The following THADA variants were observed in gnomAD, a reference collection of about 807,000 sequenced individuals.
THADA encodes THADA armadillo repeat containing, also known as tRNA (32-2'-O)-methyltransferase regulator THADA.
In THADA, 213 loss-of-function variants were observed where a neutral mutation model predicts 219.8. That is an observed-to-expected ratio of 0.97 (90% confidence interval 0.87 to 1.09). THADA has a LOEUF of 1.09. Ranked by LOEUF, THADA falls within the 50% of genes least tolerant of loss-of-function variation. The pLI, the probability that THADA is intolerant of heterozygous loss-of-function variation, is 0.00. For missense variants in THADA, 2,956 were observed against 2,311.3 expected, an observed-to-expected ratio of 1.28 and a Z score of -5.72; for synonymous variants, 1,018 against 828.9, an observed-to-expected ratio of 1.23 and a Z score of -3.92.
chr2:43,452,819 A>G (rs1682508410), intron 26 of THADA, among the ~76,000 whole-genome samples: 1 of 152,208 alleles, frequency 6.6e-6, no homozygotes, highest in South Asian at 2.1e-4. Flanking sequence ...AGATCACTGG[A>G]CCACAGATAA....
intron 26 of THADA, among the ~76,000 whole-genome samples, chr2:43,476,282 G>A (rs373796195): frequency 6.6e-6 from 1 of 152,174 alleles, no homozygotes; most frequent in East Asian, 1.9e-4. Flanking sequence ...CAAGGCCACT[G>A]GGTATTGTGC....
intron 24 of THADA, among the ~76,000 whole-genome samples, chr2:43,501,882 T>A (rs1449405232): frequency 6.6e-6 from 1 of 151,538 alleles, no homozygotes; most frequent in Non-Finnish European, 1.5e-5. Flanking sequence ...TGGTGAAGGT[T>A]GCAGTGAGCC....
At chr2:43,446,097 T>G (rs1197360922) in intron 26 of THADA, among the ~76,000 whole-genome samples, 2 of 152,228 alleles carry the variant, frequency 1.3e-5, no homozygotes, top group Non-Finnish European at 2.9e-5. Context: ...AAGGTCCCAT[T>G]TGGGCAGCTT....
intron 31 of THADA, among the ~76,000 whole-genome samples, chr2:43,319,419 G>C (rs1678435671): frequency 6.6e-6 from 1 of 152,180 alleles, no homozygotes. Context: ...GACTTGATGA[G>C]AGTCTAGCAC....
At chr2:43,520,978 A>G (rs1201387405) in intron 22 of THADA, among the ~76,000 whole-genome samples, 3 of 84,098 alleles carry the variant, frequency 3.6e-5, no homozygotes, top group African/African-American at 1.6e-4. Context: ...GAAGGGAGGG[A>G]GGAAGGGAGG....
rs572379924 is a variant in THADA, at chr2:43,577,080, G to A, written c.979C>T (p.Arg327Trp). 2.6e-5 allele frequency: 42 copies of A among 1,613,446 alleles called. 1 individual carries two copies. The highest frequency in any genetic ancestry group is 1.8e-4 in the East Asian group (8 of 44,874). ...MLDWQNGSMG[R>W]SGEALLLDTA... is the part of the protein sequence containing the mutation. Reference sequence around the variant, plus strand: ...TCCAAGAGCAGGGCCTCCCCACTCCGACCCATGCTTCCGTTCTGCCAGTCC... The same window carrying A: ...TCCAAGAGCAGGGCCTCCCCACTCCAACCCATGCTTCCGTTCTGCCAGTCC... The change falls in exon 10 of 38, where the codon CGG becomes TGG. Residue 327 changes from arginine (R) to tryptophan (W), a missense_variant. Coordinates refer to ENST00000405975, the MANE Select transcript of THADA (RefSeq NM_022065.5).
chr2:43,514,490 T>C (rs1243714849), intron 22 of THADA, among the ~76,000 whole-genome samples: 1 of 139,236 alleles, frequency 7.2e-6, no homozygotes, highest in Non-Finnish European at 1.5e-5. Flanking sequence ...ATAATATACA[T>C]AATATATACG....
intron 28 of THADA, among the ~76,000 whole-genome samples, chr2:43,403,750 C>T (rs532191863): frequency 9.2e-5 from 14 of 152,132 alleles, no homozygotes; most frequent in Non-Finnish European, 1.9e-4. Flanking sequence ...CTAGATGCCC[C>T]TACTTAACCA....
intron 36 of THADA, among the ~76,000 whole-genome samples, chr2:43,272,623 CT>C (rs397871468): frequency 1.9e-3 from 234 of 120,256 alleles, no homozygotes; most frequent in Non-Finnish European, 2.5e-3. Flanking sequence ...TGGTTTTGTG[CT>C]TTTTTTTTTT....
chr2:43,415,151 A>C (rs2104771436), intron 28 of THADA, among the ~76,000 whole-genome samples: 1 of 152,338 alleles, frequency 6.6e-6, no homozygotes, highest in East Asian at 1.9e-4. Flanking sequence ...GGCATAAATG[A>C]CTACTAATAA....
chr2:43,405,876 A>T (rs1675469629), intron 28 of THADA, among the ~76,000 whole-genome samples: 2 of 152,242 alleles, frequency 1.3e-5, no homozygotes, highest in Admixed American at 6.5e-5. Context: ...CTTAAAAAAA[A>T]TTATGAAGAA....
intron 36 of THADA, among the ~76,000 whole-genome samples, chr2:43,248,374 C>T (rs1379031327): frequency 4.0e-5 from 6 of 151,670 alleles, no homozygotes; most frequent in East Asian, 2.0e-4. Context: ...GGATTACAGG[C>T]GTGCACCACC....
At position 43,530,652 on chromosome 2, in the gene THADA, C is replaced by T. The variant is rs576042500; in HGVS notation, c.3265-2664G>A. On this transcript the variant is annotated intron_variant, in intron 21 of 37. Coordinates refer to ENST00000405975, the MANE Select transcript of THADA (RefSeq NM_022065.5). ...GATATTAAAACATACTTCAGGAAAA[C>T]ATAAACTTTGTCATTACTGACAAAG... Among the ~76,000 whole-genome samples the T allele has an allele frequency of 2.6e-5, 4 of 152,280 alleles. No homozygotes were observed. The South Asian group carries it at 8.3e-4, about 32-fold the overall frequency.
At position 43,231,252 on chromosome 2, in the gene THADA, C is replaced by T. The variant is rs368209318; in HGVS notation, c.5558G>A (p.Cys1853Tyr). Residue 1853 changes from cysteine (C) to tyrosine (Y), a missense_variant, in exon 38 of 38, where the codon TGT (cysteine) becomes TAT (tyrosine). By Grantham distance (194) the Cys-to-Tyr change is radical. Coordinates refer to ENST00000405975, the MANE Select transcript of THADA (RefSeq NM_022065.5). Reference protein sequence around the residue: ...FVKYLCKHLFCLLSKSGWRPP... With the variant: ...FVKYLCKHLFYLLSKSGWRPP... ...ACGCCAGCCGGACTTTGAGAGGAGA[C>T]AGAAGAGGTGCTTGCAGAGGTATTT... 13 of 1,612,894 alleles carry T rather than the reference C, an allele frequency of 8.1e-6. No homozygotes were observed. Among genetic ancestry groups the T allele is most frequent in the Non-Finnish European group, 1.1e-5 (13 of 1,179,564 alleles).
At chr2:43,445,893 G>T (rs768265872) in intron 26 of THADA, among the ~76,000 whole-genome samples, 1 of 152,144 alleles carries the variant, frequency 6.6e-6, no homozygotes, top group Non-Finnish European at 1.5e-5. Flanking sequence ...TCAAGGTGGA[G>T]AATTCCCAAA....
chr2:43,361,665 T>C (rs1669542920), intron 29 of THADA, among the ~76,000 whole-genome samples: 1 of 152,260 alleles, frequency 6.6e-6, no homozygotes, highest in Non-Finnish European at 1.5e-5. Context: ...TCTGTGGTGA[T>C]TGTCCCAGAA....
intron 22 of THADA, among the ~76,000 whole-genome samples, chr2:43,515,061 T>A (rs1158993182): frequency 1.9e-5 from 1 of 51,716 alleles, no homozygotes; most frequent in East Asian, 9.6e-4. Flanking sequence ...TTATATATAA[T>A]ATATTTTATA....
In THADA at chr2:43,308,751, C is replaced by A. The variant is rs116667669; in HGVS notation, c.4438+11695G>T. Reference sequence around the variant, plus strand: ...AAAAATGGTGCTGAAACATTGGATACCCATACCAAAAAAAAAAAAAAAAAA... The same window carrying A: ...AAAAATGGTGCTGAAACATTGGATAACCATACCAAAAAAAAAAAAAAAAAA... On this transcript the variant is annotated intron_variant, in intron 31 of 37. Transcript: ENST00000405975. 7.2e-3 allele frequency among the ~76,000 whole-genome samples: 649 copies of A among 89,746 alleles called. 14 individuals are homozygous for A. Among genetic ancestry groups the A allele is most frequent in the African/African-American group, 0.031 (624 of 20,206 alleles). 58.9% of individuals were successfully genotyped at this position (89,746 alleles called of 152,430 possible). A position where few individuals can be genotyped will look rare whatever the true frequency, so the allele number is the denominator to read the frequency against.
intron 29 of THADA, among the ~76,000 whole-genome samples, chr2:43,360,957 A>T (rs955056352): frequency 1.3e-5 from 2 of 152,178 alleles, no homozygotes; most frequent in Non-Finnish European, 2.9e-5. Flanking sequence ...TCCCCAGGAG[A>T]CATCTGACAA....
Sources: gnomAD v4.1 joint callset for allele counts (sites outside exome capture counted in the v4.1 genomes callset) on GRCh38, gnomAD v4.1.1 for gene constraint, MANE v1.5 for transcripts, NCBI Gene and HGNC (gene_info 2026-07-23, HGNC 2026-07-21) for gene names.